TMPRSS6: variants seen among roughly 807,000 people sequenced by gnomAD.
The protein encoded by TMPRSS6 is transmembrane protease serine 6.
In TMPRSS6, 67 loss-of-function variants were observed where a neutral mutation model predicts 101.5. The ratio of observed to expected loss-of-function variants is 0.66; its 90% CI spans 0.54 to 0.81. TMPRSS6 has a LOEUF of 0.81. TMPRSS6 is among the 30% of genes least tolerant of loss of function. The pLI, the probability that TMPRSS6 is intolerant of heterozygous loss-of-function variation, is 0.00. For synonymous variants in TMPRSS6, 453 were observed against 464.9 expected, an observed-to-expected ratio of 0.97 and a Z score of 0.33; for missense variants, 1,034 against 1,088.7, an observed-to-expected ratio of 0.95 and a Z score of 0.71.
At chr22:37,073,408 A>G (rs1927325954) in intron 13 of TMPRSS6, 124 bp downstream of exon 13, 1 of 656,410 alleles carries the variant, frequency 1.5e-6, no homozygotes, top group Non-Finnish European at 2.8e-6. Flanking sequence ...GGACAGACAT[A>G]CAGATGTAAA....
intron 13 of TMPRSS6, among the ~76,000 whole-genome samples, chr22:37,072,276 C>CATGG (rs1927051825): frequency 2.3e-5 from 1 of 43,114 alleles, no homozygotes; most frequent in African/African-American, 7.5e-5. Context: ...TGGATGGTTG[C>CATGG]ATGGATGGAT....
intron 6 of TMPRSS6, among the ~76,000 whole-genome samples, chr22:37,090,807 C>G (rs1195077363): frequency 3.3e-5 from 5 of 152,190 alleles, no homozygotes; most frequent in African/African-American, 1.2e-4. Context: ...AGCACAGCAC[C>G]TTGCACAGTA....
At position 37,095,575 on chromosome 22, in the gene TMPRSS6, T is replaced by C. The variant is rs1569020733; in HGVS notation, c.607A>G (p.Ile203Val). Residue 203 changes from isoleucine (I) to valine (V), a missense_variant, in exon 6 of 18, where the codon ATA becomes GTA. Physicochemically the swap from Ile to Val is conservative, Grantham distance 29. Transcript: ENST00000676104. ...LVILEASVKD[I>V]AALNSTLGCY... is the part of the protein sequence containing the mutation. ...CCCAGCGTGGAATTCAATGCAGCTATGTCTTTCACACTGGCTTCTGATAAA... is the reference window on the plus strand; with the variant it reads ...CCCAGCGTGGAATTCAATGCAGCTACGTCTTTCACACTGGCTTCTGATAAA... 1.2e-6 allele frequency: 2 copies of C among 1,611,228 alleles called. No homozygotes were observed. The highest frequency in any genetic ancestry group is 2.2e-5 in the South Asian group (2 of 90,858).
chr22:37,094,558 T>TAGATAGAC (rs1440682505), intron 6 of TMPRSS6, among the ~76,000 whole-genome samples: 4 of 152,070 alleles, frequency 2.6e-5, no homozygotes, highest in Non-Finnish European at 2.9e-5. Flanking sequence ...GATAGATAGA[T>TAGATAGAC]AGATAGATAG....
At position 37,095,937 on chromosome 22, in the gene TMPRSS6, G is replaced by C; in HGVS notation, c.558C>G (p.Tyr186Ter). ...TCACTAGGCCCTCGGGGTCCACTTC[G>C]TACTCGGCCCTGTAGGGGACGGCAG... ...SSAAVPYRAE[Y>*]EVDPEGLVIL... is the part of the protein sequence containing the mutation. The change falls in exon 5 of 18, where the codon TAC (tyrosine) becomes TAG (stop). Residue 186 changes from tyrosine to a stop codon, truncating the protein, a stop_gained. Transcript: ENST00000676104. LOFTEE classifies it high-confidence loss of function. 6.2e-7 allele frequency: 1 copy of C among 1,614,136 alleles called. No homozygotes were observed. Among genetic ancestry groups the C allele is most frequent in the Non-Finnish European group, 8.5e-7 (1 of 1,180,028 alleles).
At chr22:37,079,613 G>A (rs1928102147) in intron 10 of TMPRSS6, among the ~76,000 whole-genome samples, 1 of 152,244 alleles carries the variant, frequency 6.6e-6, no homozygotes. Flanking sequence ...TAGACCTGGG[G>A]CTGCAGAGCT....
chr22:37,095,995 A>G lies in TMPRSS6; in HGVS notation c.500T>C (p.Val167Ala). The G allele has an allele frequency of 6.2e-7, 1 of 1,614,182 alleles. No individual in the cohort carries two copies. Among genetic ancestry groups the G allele is most frequent in the Non-Finnish European group, 8.5e-7 (1 of 1,180,026 alleles). Residue 167 changes from valine to alanine, a missense_variant, in exon 5 of 18, where the codon GTG becomes GCG. Transcript: ENST00000676104. ...LSPEVVQALL[V>A]EELLSTVNSS... ...GTTGACTGTGGACAGCAGCTCCTCCACCAGCAGTGCCTGCACCACCTCGGG... is the reference window on the plus strand; with the variant it reads ...GTTGACTGTGGACAGCAGCTCCTCCGCCAGCAGTGCCTGCACCACCTCGGG...
intron 10 of TMPRSS6, among the ~76,000 whole-genome samples, chr22:37,075,927 T>G (rs1430229064): frequency 1.1e-4 from 12 of 107,120 alleles, no homozygotes; most frequent in Admixed American, 3.7e-4. Context: ...AGACAGAAGG[T>G]AGGAAGGAAG....
Position 37,069,564 on chromosome 22 carries a change from C to A in TMPRSS6, c.1842-220G>T, listed in dbSNP as rs1174079535. On this transcript the variant is annotated intron_variant, in intron 15 of 17. Coordinates refer to ENST00000676104, the MANE Select transcript of TMPRSS6 (RefSeq NM_001374504.1). The surrounding 1 kb of genome is among the most constrained non-coding windows in gnomAD (Gnocchi z 4.8). ...GTTCCACGCCCCAGCTTCATCCCTC[C>A]CTAGACATGGGTGTGCCTCTCTAAG... 1.3e-5 allele frequency among the ~76,000 whole-genome samples: 2 copies of A among 152,212 alleles called. No homozygotes were observed. The highest frequency in any genetic ancestry group is 2.9e-5 in the Non-Finnish European group (2 of 68,032).
Position 37,086,338 on chromosome 22 carries a change from G to C in TMPRSS6, c.918C>G (p.Gly306=). The change falls in exon 8 of 18, where the codon GGC becomes GGG. Residue 306 remains glycine (G), a synonymous_variant. Transcript: ENST00000676104. ...GAIMAVVWKK[G]LHSYYDPFVL... ...CGAAGGGGTCGTAGTAGCTGTGCAG[G>C]CCCTTCTTCCAGACGACCGCCATGA... is the stretch of plus-strand genomic sequence containing the variant. 1 of 1,613,954 alleles carries C rather than the reference G, an allele frequency of 6.2e-7. No individual in the cohort carries two copies.
At position 37,103,317 on chromosome 22, in the gene TMPRSS6, G is replaced by A; in HGVS notation, c.101C>T (p.Ser34Phe). Residue 34 changes from serine to phenylalanine, a missense_variant, in exon 2 of 18, where the codon TCC becomes TTC. Transcript: ENST00000676104. The surrounding 1 kb of genome is among the most constrained non-coding windows in gnomAD (Gnocchi z 4.4). ...PEGMFKACEDSKRKARGYLRL... is the reference protein window; with the variant it reads ...PEGMFKACEDFKRKARGYLRL... ...GAGGTAGCCCCGGGCTTTTCTCTTG[G>A]AGTCCTCACAGGCCTTGAACATCCC... The A allele has an allele frequency of 6.2e-7, 1 of 1,614,166 alleles. No individual in the cohort carries two copies. Among genetic ancestry groups the A allele is most frequent in the Non-Finnish European group, 8.5e-7 (1 of 1,180,022 alleles).
In TMPRSS6 at chr22:37,103,247, AGCCAGCACGAGCAGG is replaced by A; in HGVS notation, c.156_170del (p.Leu53_Ala57del). 5 of 1,614,100 alleles carry A rather than the reference AGCCAGCACGAGCAGG, an allele frequency of 3.1e-6. No homozygotes were observed. The highest frequency in any genetic ancestry group is 4.2e-6 in the Non-Finnish European group (5 of 1,179,948). On this transcript the variant is annotated inframe_deletion, in exon 2 of 18. Transcript: ENST00000676104. The surrounding 1 kb of genome is among the most constrained non-coding windows in gnomAD (Gnocchi z 4.4). ...AATACCAGAGTAGCACCCCCGCCGA[AGCCAGCACGAGCAGG>A]GCCAGCAGCACAAACAGGGGCACCA...
Position 37,094,149 on chromosome 22 carries a change from G to A in TMPRSS6, c.631+1402C>T, listed in dbSNP as rs149420973. Among the ~76,000 whole-genome samples the A allele has an allele frequency of 1.9e-3, 294 of 152,204 alleles. 1 individual carries two copies. The highest frequency in any genetic ancestry group is 2.6e-3 in the Non-Finnish European group (174 of 68,022). Reference sequence around the variant, plus strand: ...GCATCATCTGATTAAGTCCCCCTGAGGCTCTCAGGAGTAATATCTCTGACT... The same window carrying A: ...GCATCATCTGATTAAGTCCCCCTGAAGCTCTCAGGAGTAATATCTCTGACT... On this transcript the variant is annotated intron_variant, in intron 6 of 17. Coordinates refer to ENST00000676104, the MANE Select transcript of TMPRSS6 (RefSeq NM_001374504.1).
At chr22:37,104,641 T>G in intron 1 of TMPRSS6, among the ~76,000 whole-genome samples, 1 of 152,276 alleles carries the variant, frequency 6.6e-6, no homozygotes, top group South Asian at 2.1e-4. Context: ...CCTCTTACTA[T>G]ATCCATAAAT....
chr22:37,065,939 CG>C lies in TMPRSS6; in HGVS notation c.*140del. The C allele has an allele frequency of 1.8e-6, 2 of 1,097,378 alleles. No homozygotes were observed. The highest frequency in any genetic ancestry group is 2.8e-5 in the South Asian group (2 of 70,248). The allele number at this position is 1,097,378 out of a possible 1,614,324, so 68.0% of individuals were successfully genotyped here. On this transcript the variant is annotated 3_prime_UTR_variant, in exon 18 of 18. Transcript: ENST00000676104. ...CCATCACTGGAGCAGACATCAGGGACGAGACAAGATGCCACCTCCTGCCACC... is the reference window on the plus strand; with the variant it reads ...CCATCACTGGAGCAGACATCAGGGACAGACAAGATGCCACCTCCTGCCACC...
chr22:37,069,310 C>G lies in TMPRSS6; in HGVS notation c.1876G>C (p.Gly626Arg). The G allele has an allele frequency of 6.5e-7, 1 of 1,530,328 alleles. No homozygotes were observed. The highest frequency in any genetic ancestry group is 8.8e-7 in the Non-Finnish European group (1 of 1,132,214). The allele number at this position is 1,530,328 out of a possible 1,614,324, so 94.8% of individuals were successfully genotyped here. The stretch of plus-strand genomic sequence containing the variant: ...CAGCGCGAGTTCTGCCACACCTTGC[C>G]CAGGAACACGGTCCACAGCACCGTG... ...ASTVLWTVFL[G>R]KVWQNSRWPG... Residue 626 changes from glycine to arginine, a missense_variant, in exon 16 of 18, where the codon GGC becomes CGC. Transcript: ENST00000676104. The surrounding 1 kb of genome is among the most constrained non-coding windows in gnomAD (Gnocchi z 4.8).
chr22:37,089,897 C>G (rs1359761040), intron 6 of TMPRSS6, 115 bp from the exon 7 acceptor site: 1 of 1,008,360 alleles, frequency 9.9e-7, no homozygotes, highest in South Asian at 1.6e-5. Context: ...GCAGGGGAGC[C>G]GGGTGGGGAT....
At chr22:37,082,907 C>A in intron 10 of TMPRSS6, 2 of 457,114 alleles carry the variant, frequency 4.4e-6, no homozygotes, top group Non-Finnish European at 9.0e-6. Context: ...AGGAGTCAAG[C>A]AAACCTTGTC....
intron 3 of TMPRSS6, 46 bp from the exon 4 acceptor site, chr22:37,096,761 G>C (rs1929801967): frequency 6.5e-7 from 1 of 1,541,770 alleles, no homozygotes; most frequent in African/African-American, 1.4e-5. Context: ...CTGCAGGGCA[G>C]ACAGGCCCAC....
Sources: gnomAD v4.1 joint callset for allele counts (sites outside exome capture counted in the v4.1 genomes callset) on GRCh38, gnomAD v4.1.1 for gene constraint, Gnocchi (gnomAD v3.1) non-coding constraint, MANE v1.5 for transcripts, NCBI Gene and HGNC (gene_info 2026-07-23, HGNC 2026-07-21) for gene names.